The following ACTR3C variants were observed in gnomAD, a reference collection of about 807,000 sequenced individuals.
ACTR3C encodes actin related protein 3C, also known as actin-related protein 3C.
ACTR3C carries 18 observed loss-of-function variants against 26.3 expected under a neutral mutation model. The observed-to-expected ratio is 0.68, with a 90% CI of 0.47 to 1.01. The LOEUF (loss-of-function observed/expected upper bound fraction) is 1.01, where lower values mean the gene tolerates loss of function less well. Among genes scored for constraint, ACTR3C ranks in the 50% least tolerant of loss-of-function variants. The pLI, the probability that ACTR3C is intolerant of heterozygous loss-of-function variation, is 0.00. For synonymous variants in ACTR3C, 55 were observed against 94.5 expected, an observed-to-expected ratio of 0.58 and a Z score of 2.42; for missense variants, 184 against 250.7, an observed-to-expected ratio of 0.73 and a Z score of 1.80.
intron 6 of ACTR3C, among the ~76,000 whole-genome samples, chr7:150,254,362 T>C (rs1340504186): frequency 6.6e-6 from 1 of 152,210 alleles, no homozygotes; most frequent in Non-Finnish European, 1.5e-5. Context: ...TTGTAGTTCT[T>C]TGAGATATAA....
the ACTR3C span, among the ~76,000 whole-genome samples, chr7:149,886,097 G>A: frequency 1.3e-5 from 2 of 152,208 alleles, no homozygotes; most frequent in Non-Finnish European, 2.9e-5. Flanking sequence ...GTCGATAAAT[G>A]CTATTAATTT....
chr7:150,299,603 T>C (rs560154850), intron 1 of ACTR3C, among the ~76,000 whole-genome samples: 4 of 147,650 alleles, frequency 2.7e-5, no homozygotes, highest in Non-Finnish European at 5.9e-5. Context: ...CTGGCCAACA[T>C]GGGGAAACCC....
the ACTR3C span, among the ~76,000 whole-genome samples, chr7:150,148,907 T>C: frequency 1.3e-5 from 2 of 151,726 alleles, no homozygotes; most frequent in South Asian, 2.1e-4. Context: ...GTGCTGGCGT[T>C]GCCCCCTCAT....
At chr7:149,993,434 A>T in the ACTR3C span, among the ~76,000 whole-genome samples, 6 of 152,234 alleles carry the variant, frequency 3.9e-5, no homozygotes, top group Non-Finnish European at 8.8e-5. Context: ...CGCTTAGAGG[A>T]CCACCAACAT....
chr7:150,074,819 A>AGGGG, the ACTR3C span, among the ~76,000 whole-genome samples: 2 of 146,194 alleles, frequency 1.4e-5, no homozygotes, highest in East Asian at 2.0e-4. Flanking sequence ...CCATGGTCAA[A>AGGGG]GGGGGTTCAA....
the ACTR3C span, among the ~76,000 whole-genome samples, chr7:150,014,551 G>A: frequency 1.8e-4 from 27 of 152,240 alleles, no homozygotes; most frequent in East Asian, 2.7e-3. Context: ...CAAGGCTTGT[G>A]GAGGCTGACT....
chr7:150,043,249 A>G, the ACTR3C span, among the ~76,000 whole-genome samples: 494 of 151,120 alleles, frequency 3.3e-3, 1 homozygote, highest in Admixed American at 4.4e-3. Context: ...GGTGGTTCCT[A>G]AGGATCTTAG....
chr7:150,311,320 C>A (rs1563206856), intron 1 of ACTR3C, among the ~76,000 whole-genome samples: 6 of 152,314 alleles, frequency 3.9e-5, no homozygotes, highest in South Asian at 2.1e-4. Flanking sequence ...GCCTTTCTAT[C>A]CAAACAACTT....
the ACTR3C span, among the ~76,000 whole-genome samples, chr7:150,188,995 T>TAA: frequency 6.6e-6 from 1 of 150,806 alleles, no homozygotes; most frequent in Non-Finnish European, 1.5e-5. Flanking sequence ...GCCCACATGC[T>TAA]TTTTAAAACA....
chr7:150,033,745 C>A, the ACTR3C span, among the ~76,000 whole-genome samples: 1 of 151,638 alleles, frequency 6.6e-6, no homozygotes, highest in East Asian at 2.0e-4. Context: ...CTCTCAGTCC[C>A]CACCCTCGTG....
chr7:150,091,753 C>A, the ACTR3C span, among the ~76,000 whole-genome samples: 2 of 146,790 alleles, frequency 1.4e-5, no homozygotes, highest in Non-Finnish European at 3.0e-5. Context: ...GAGGCCGAGG[C>A]GGGCGGATCA....
the ACTR3C span, among the ~76,000 whole-genome samples, chr7:150,149,107 A>G: frequency 3.3e-5 from 4 of 119,492 alleles, no homozygotes; most frequent in Non-Finnish European, 5.0e-5. Context: ...ATATATATAT[A>G]TATATATATA....
chr7:149,892,144 A>G, the ACTR3C span: 1 of 1,009,136 alleles, frequency 9.9e-7, no homozygotes, highest in Non-Finnish European at 1.4e-6. Context: ...CCTCTATTCA[A>G]ACATAAGAAT....
chr7:149,929,523 A>G, the ACTR3C span, among the ~76,000 whole-genome samples: 1 of 136,440 alleles, frequency 7.3e-6, no homozygotes, highest in Non-Finnish European at 1.5e-5. Context: ...ATTTCCCCAC[A>G]AATGACTTTT....
the ACTR3C span, among the ~76,000 whole-genome samples, chr7:150,036,919 T>G: frequency 6.4e-5 from 5 of 77,624 alleles, no homozygotes; most frequent in South Asian, 4.4e-4. Context: ...GCCTCCCCCC[T>G]CTGCGATGGG....
the ACTR3C span, among the ~76,000 whole-genome samples, chr7:150,215,359 C>G: frequency 6.6e-6 from 1 of 152,094 alleles, no homozygotes; most frequent in East Asian, 1.9e-4. Flanking sequence ...ATGTTCCTCA[C>G]CAGAAAATGG....
rs117529093 is a variant in ACTR3C at position 150,319,758 on chromosome 7, G to A, written c.-52+3711C>T. On this transcript the variant is annotated intron_variant, in intron 1 of 7. Coordinates refer to ENST00000683684, the MANE Select transcript of ACTR3C (RefSeq NM_001164458.2). ...ACCCTACCAACCTCTCCCCTGACCCGAGACAGAGTTAGCAGCTAATGTAGC... is the reference window on the plus strand; with the variant it reads ...ACCCTACCAACCTCTCCCCTGACCCAAGACAGAGTTAGCAGCTAATGTAGC... Among the ~76,000 whole-genome samples the A allele has an allele frequency of 1.1e-3, 172 of 152,198 alleles. 2 individuals are homozygous for A. The East Asian group carries it at 0.03, about 27-fold the overall frequency.
chr7:150,233,113 T>C, the ACTR3C span, among the ~76,000 whole-genome samples: 2 of 152,214 alleles, frequency 1.3e-5, no homozygotes, highest in African/African-American at 4.8e-5. Flanking sequence ...TCCTTTTCCG[T>C]GAGGAACTTC....
the ACTR3C span, among the ~76,000 whole-genome samples, chr7:149,886,220 C>T: frequency 1.3e-5 from 2 of 152,142 alleles, no homozygotes; most frequent in Non-Finnish European, 2.9e-5. Flanking sequence ...ATGCACTTTG[C>T]GGAAGAGAAG....
Sources: allele counts gnomAD v4.1 joint callset (sites outside exome capture counted in the v4.1 genomes callset), GRCh38; gene constraint gnomAD v4.1.1; transcripts MANE v1.5; gene names NCBI Gene and HGNC (gene_info 2026-07-23, HGNC 2026-07-21).